Variants in ACVR2A observed in about 807,000 individuals in gnomAD.
The protein encoded by ACVR2A is activin receptor type-2A.
Under a neutral mutation model 61.4 loss-of-function variants are expected in ACVR2A, and 7 were observed. The ratio of observed to expected loss-of-function variants is 0.11; its 90% CI spans 0.06 to 0.21. ACVR2A has a LOEUF of 0.21. Ranked by LOEUF, ACVR2A falls within the 10% of genes least tolerant of loss-of-function variation. The pLI, the probability that ACVR2A is intolerant of heterozygous loss-of-function variation, is 1.00. For missense variants in ACVR2A, 322 were observed against 621.7 expected, an observed-to-expected ratio of 0.52 and a Z score of 5.13; for synonymous variants, 193 against 208.3, an observed-to-expected ratio of 0.93 and a Z score of 0.63.
At chr2:147,904,404 C>G (rs73003430) in intron 4 of ACVR2A, among the ~76,000 whole-genome samples, 2,129 of 151,964 alleles carry the variant, frequency 0.014, 49 homozygotes, top group African/African-American at 0.049. Flanking sequence ...GATAAAATAC[C>G]ACTTGATAAG....
rs559130559 is a variant in ACVR2A at position 147,862,049 on chromosome 2, A to T, written c.55+16842A>T. ...ACTAATCAGTGGAGCTAGAACTAAA[A>T]CCCTGATTTTCAAGTTCAGTGTTCT... is the stretch of plus-strand genomic sequence containing the variant. On this transcript the variant is annotated intron_variant, in intron 1 of 10. Coordinates refer to ENST00000241416, the MANE Select transcript of ACVR2A (RefSeq NM_001616.5). 1.1e-4 allele frequency among the ~76,000 whole-genome samples: 16 copies of T among 152,174 alleles called. No individual in the cohort carries two copies. The East Asian group carries it at 2.9e-3, about 28-fold the overall frequency.
intron 4 of ACVR2A, among the ~76,000 whole-genome samples, chr2:147,904,443 C>T (rs979087218): frequency 4.6e-5 from 7 of 151,894 alleles, no homozygotes; most frequent in Admixed American, 2.6e-4. Context: ...TAGAAATGAC[C>T]TACCTTTAAC....
intron 1 of ACVR2A, among the ~76,000 whole-genome samples, chr2:147,876,819 C>G (rs2105164689): frequency 6.6e-6 from 1 of 152,278 alleles, no homozygotes; most frequent in East Asian, 1.9e-4. Context: ...GAATTGGTGA[C>G]CCCTGACTCA....
intron 7 of ACVR2A, among the ~76,000 whole-genome samples, chr2:147,919,726 T>C (rs1410844510): frequency 6.6e-6 from 1 of 152,150 alleles, no homozygotes; most frequent in African/African-American, 2.4e-5. Flanking sequence ...GTTTCTGTTA[T>C]TCATTCCATA....
chr2:147,845,281 T>C (rs1685278433), intron 1 of ACVR2A, 74 bp downstream of exon 1: 1 of 1,471,252 alleles, frequency 6.8e-7, no homozygotes, highest in African/African-American at 1.4e-5. Flanking sequence ...CCGCGGCTGG[T>C]GTTGAGTCGG....
At chr2:147,923,404 T>C (rs1400854263) in intron 9 of ACVR2A, among the ~76,000 whole-genome samples, 3 of 152,150 alleles carry the variant, frequency 2.0e-5, no homozygotes, top group Non-Finnish European at 4.4e-5. Context: ...ATGAGGAAAT[T>C]GAGATGCAGA....
intron 4 of ACVR2A, among the ~76,000 whole-genome samples, chr2:147,909,139 C>T (rs1687058109): frequency 6.6e-6 from 1 of 152,102 alleles, no homozygotes; most frequent in African/African-American, 2.4e-5. Context: ...CTCTGTTTTT[C>T]ACCTTAACTG....
Position 147,921,259 on chromosome 2 carries a change from T to C in ACVR2A, c.1077+915T>C, listed in dbSNP as rs563718058. ...CAAGTTGGCCAGGCTTGTATCGAGCTCCTGACCTCAAGTGATCCTCCCACC... is the reference window on the plus strand; with the variant it reads ...CAAGTTGGCCAGGCTTGTATCGAGCCCCTGACCTCAAGTGATCCTCCCACC... On this transcript the variant is annotated intron_variant, in intron 8 of 10. Coordinates refer to ENST00000241416, the MANE Select transcript of ACVR2A (RefSeq NM_001616.5). Among the ~76,000 whole-genome samples, 22 of 152,174 alleles carry C rather than the reference T, an allele frequency of 1.4e-4. No homozygotes were observed. The South Asian group carries it at 4.4e-3, about 30-fold the overall frequency.
chr2:147,862,403 A>G (rs369260464), intron 1 of ACVR2A, among the ~76,000 whole-genome samples: 1 of 152,018 alleles, frequency 6.6e-6, no homozygotes, highest in African/African-American at 2.4e-5. Context: ...ATTGCTGCAG[A>G]TGTGCTTTTC....
intron 4 of ACVR2A, among the ~76,000 whole-genome samples, chr2:147,904,926 C>G (rs202063533): frequency 1.3e-5 from 2 of 152,018 alleles, no homozygotes; most frequent in Non-Finnish European, 2.9e-5. Flanking sequence ...ATATTACATT[C>G]ATAGAAACAT....
At chr2:147,867,590 C>G (rs1448108104) in intron 1 of ACVR2A, among the ~76,000 whole-genome samples, 1 of 151,990 alleles carries the variant, frequency 6.6e-6, no homozygotes, top group East Asian at 1.9e-4. Context: ...ACTCCAGAAA[C>G]TAAACAAAGC....
intron 4 of ACVR2A, among the ~76,000 whole-genome samples, chr2:147,905,998 T>C (rs1686980793): frequency 6.6e-6 from 1 of 152,136 alleles, no homozygotes; most frequent in African/African-American, 2.4e-5. Context: ...TTCTTTGGCT[T>C]GTACAGGGTC....
At chr2:147,890,975 C>T (rs1044094616) in intron 1 of ACVR2A, among the ~76,000 whole-genome samples, 1 of 152,052 alleles carries the variant, frequency 6.6e-6, no homozygotes, top group Non-Finnish European at 1.5e-5. Context: ...TCTAGAAAAC[C>T]ATCCTTAATC....
Position 147,908,921 on chromosome 2 carries a change from A to G in ACVR2A, c.529-6270A>G, listed in dbSNP as rs1333211301. Among the ~76,000 whole-genome samples, 4 of 152,284 alleles carry G rather than the reference A, an allele frequency of 2.6e-5. No individual in the cohort carries two copies. The East Asian group carries it at 7.7e-4, about 29-fold the overall frequency. ...ATCTTATAACACATATCATATATAC[A>G]TATTTATAGTATATAAACAAAAATC... On this transcript the variant is annotated intron_variant, in intron 4 of 10. Coordinates refer to ENST00000241416, the MANE Select transcript of ACVR2A (RefSeq NM_001616.5).
chr2:147,881,643 A>ATG (rs1206662968), intron 1 of ACVR2A, among the ~76,000 whole-genome samples: 20 of 23,522 alleles, frequency 8.5e-4, no homozygotes, highest in South Asian at 2.3e-3. Context: ...GTGTGTGTGT[A>ATG]TGTGTGTGTG....
In ACVR2A at chr2:147,920,324, G is replaced by A. The variant is rs760629539; in HGVS notation, c.1057G>A (p.Ala353Thr). 3.1e-6 allele frequency: 5 copies of A among 1,613,110 alleles called. No homozygotes were observed. Among genetic ancestry groups the A allele is most frequent in the Non-Finnish European group, 4.2e-6 (5 of 1,179,220 alleles). The change falls in exon 8 of 11, where the codon GCA becomes ACA. Residue 353 changes from alanine (A) to threonine (T), a missense_variant. Physicochemically the swap from Ala to Thr is moderately conservative, Grantham distance 58. Transcript: ENST00000241416. ...CTTAAAATTTGAGGCTGGCAAGTCTGCAGGCGATACCCATGGACAGGTAAG... is the reference window on the plus strand; with the variant it reads ...CTTAAAATTTGAGGCTGGCAAGTCTACAGGCGATACCCATGGACAGGTAAG... ...LALKFEAGKS[A>T]GDTHGQVGTR...
In ACVR2A at chr2:147,896,491, T is replaced by C. The variant is rs1210708844; in HGVS notation, c.246T>C (p.Asp82=). 2 of 1,613,938 alleles carry C rather than the reference T, an allele frequency of 1.2e-6. No individual in the cohort carries two copies. ...EIVKQGCWLD[D]INCYDRTDCV... ...TGAAACAAGGTTGTTGGCTGGATGA[T>C]ATCAACTGCTATGACAGGTAAGAAC... The change falls in exon 2 of 11, where the codon GAT becomes GAC. Residue 82 remains aspartate (D), a synonymous_variant. Coordinates refer to ENST00000241416, the MANE Select transcript of ACVR2A (RefSeq NM_001616.5).
chr2:147,891,919 T>G (rs141852656), intron 1 of ACVR2A, among the ~76,000 whole-genome samples: 509 of 152,296 alleles, frequency 3.3e-3, no homozygotes, highest in East Asian at 7.9e-3. Flanking sequence ...AAGTGCCTAT[T>G]GTTTGCATAC....
At chr2:147,862,291 T>G (rs1333885486) in intron 1 of ACVR2A, among the ~76,000 whole-genome samples, 2 of 152,124 alleles carry the variant, frequency 1.3e-5, no homozygotes, top group Non-Finnish European at 2.9e-5. Context: ...GATTTTTTTT[T>G]TTTTTGGAGT....
Sources: gnomAD v4.1 joint callset for allele counts (sites outside exome capture counted in the v4.1 genomes callset) on GRCh38, gnomAD v4.1.1 for gene constraint, MANE v1.5 for transcripts, NCBI Gene and HGNC (gene_info 2026-07-23, HGNC 2026-07-21) for gene names.